Variants in MACROD2 observed in about 807,000 individuals in gnomAD.
MACROD2 encodes ADP-ribose glycohydrolase MACROD2.
In MACROD2, 36 loss-of-function variants were observed where a neutral mutation model predicts 70.4. The ratio of observed to expected loss-of-function variants is 0.51; its 90% CI spans 0.39 to 0.68. The LOEUF (loss-of-function observed/expected upper bound fraction) is 0.68. MACROD2 is among the 30% of genes least tolerant of loss of function. The pLI is 0.00. For synonymous variants in MACROD2, 172 were observed against 178.8 expected (o/e 0.96, Z 0.30); for missense variants, 496 against 538.4 (o/e 0.92, Z 0.78).
intron 3 of MACROD2, among the ~76,000 whole-genome samples, chr20:14,362,067 G>A (rs553855602): frequency 3.9e-5 from 6 of 152,178 alleles, no homozygotes; most frequent in Non-Finnish European, 7.4e-5. Flanking sequence ...CCAAGTGTCA[G>A]CTTCTGTAAT....
At chr20:14,441,754 C>T (rs1229113880) in intron 3 of MACROD2, among the ~76,000 whole-genome samples, 3 of 152,060 alleles carry the variant, frequency 2.0e-5, no homozygotes, top group Admixed American at 6.6e-5. Flanking sequence ...TACTATGTGC[C>T]TCATAAAGAC....
At chr20:15,801,757 A>C (rs1451917141) in intron 8 of MACROD2, among the ~76,000 whole-genome samples, 1 of 152,110 alleles carries the variant, frequency 6.6e-6, no homozygotes, top group Non-Finnish European at 1.5e-5. Context: ...CATTTTGATA[A>C]GCATTGCATT....
intron 3 of MACROD2, among the ~76,000 whole-genome samples, chr20:14,130,105 T>G (rs1665372781): frequency 1.3e-5 from 2 of 152,176 alleles, no homozygotes. Flanking sequence ...CCATGGGGAC[T>G]CAGTTAAAGT....
rs754753132 is a variant in MACROD2, at chr20:15,827,105, A to G, written c.646-35640A>G. On this transcript the variant is annotated intron_variant, in intron 8 of 17. Coordinates refer to ENST00000684519, the MANE Select transcript of MACROD2 (RefSeq NM_001351661.2). ...TTAGAAACTGTTTTCAAAAACTGCC[A>G]TCTTCCTCACAGATATAACCTTCAT... Among the ~76,000 whole-genome samples the G allele has an allele frequency of 7.9e-4, 120 of 152,312 alleles. 1 individual carries two copies. The highest frequency in any genetic ancestry group is 1.5e-3 in the Non-Finnish European group (103 of 68,028).
At chr20:14,562,152 T>C (rs1979478532) in intron 4 of MACROD2, among the ~76,000 whole-genome samples, 1 of 151,872 alleles carries the variant, frequency 6.6e-6, no homozygotes, top group Non-Finnish European at 1.5e-5. Flanking sequence ...ACTTTTTTAA[T>C]GTCTTGGGAT....
chr20:15,192,200 C>T (rs149065909), intron 5 of MACROD2, among the ~76,000 whole-genome samples: 2 of 152,136 alleles, frequency 1.3e-5, no homozygotes, highest in East Asian at 1.9e-4. Context: ...CCTTCCTCTC[C>T]GCCTCTTCCT....
chr20:15,756,272 A>G (rs186447908), intron 8 of MACROD2, among the ~76,000 whole-genome samples: 1 of 152,334 alleles, frequency 6.6e-6, no homozygotes, highest in Admixed American at 6.5e-5. Flanking sequence ...TGCATTTCCT[A>G]CTACATAGCT....
chr20:14,201,281 T>A (rs968303723), intron 3 of MACROD2, among the ~76,000 whole-genome samples: 3 of 152,206 alleles, frequency 2.0e-5, no homozygotes, highest in African/African-American at 7.2e-5. Context: ...CCTTGGATAA[T>A]CTATAAACTA....
chr20:15,798,157 G>A (rs1309926143), intron 8 of MACROD2, among the ~76,000 whole-genome samples: 1 of 152,210 alleles, frequency 6.6e-6, no homozygotes, highest in Non-Finnish European at 1.5e-5. Context: ...TATTGTGGTA[G>A]TATAGCAAAT....
chr20:14,369,353 T>C (rs2083302364), intron 3 of MACROD2, among the ~76,000 whole-genome samples: 1 of 152,230 alleles, frequency 6.6e-6, no homozygotes, highest in Non-Finnish European at 1.5e-5. Flanking sequence ...GGTTGCCTAC[T>C]GGGGAAGCTA....
chr20:14,043,864 T>A (rs1180782178), intron 2 of MACROD2, among the ~76,000 whole-genome samples: 1 of 152,224 alleles, frequency 6.6e-6, no homozygotes, highest in Non-Finnish European at 1.5e-5. Flanking sequence ...GGCCAATGTA[T>A]AACAAGGACT....
chr20:14,224,125 T>G (rs35323073), intron 3 of MACROD2, among the ~76,000 whole-genome samples: 1 of 127,934 alleles, frequency 7.8e-6, no homozygotes, highest in South Asian at 2.6e-4. Context: ...ATCAATCACA[T>G]CTAAAAAACA....
chr20:14,070,323 T>TTG (rs57671586), intron 2 of MACROD2, among the ~76,000 whole-genome samples: 122 of 150,758 alleles, frequency 8.1e-4, no homozygotes, highest in African/African-American at 2.3e-3. Context: ...ATAGAGGGGT[T>TTG]TGTGTGTGTG....
chr20:15,127,612 C>T (rs1363035438), intron 5 of MACROD2, among the ~76,000 whole-genome samples: 3 of 152,048 alleles, frequency 2.0e-5, no homozygotes, highest in South Asian at 2.1e-4. Flanking sequence ...GGCTTCAGTT[C>T]TTCTCCTTAT....
intron 3 of MACROD2, among the ~76,000 whole-genome samples, chr20:14,163,748 T>C (rs1377729861): frequency 1.3e-5 from 2 of 151,418 alleles, no homozygotes; most frequent in Admixed American, 1.3e-4. Flanking sequence ...TTGAAGCTTT[T>C]GAATATATTT....
intron 2 of MACROD2, among the ~76,000 whole-genome samples, chr20:14,045,172 A>G (rs1333997100): frequency 6.6e-6 from 1 of 151,882 alleles, no homozygotes; most frequent in Non-Finnish European, 1.5e-5. Context: ...CTCCCTCCAC[A>G]CCTCCCTGCA....
intron 2 of MACROD2, among the ~76,000 whole-genome samples, chr20:14,014,969 T>A (rs904672447): frequency 6.9e-4 from 1 of 1,448 alleles, no homozygotes; most frequent in Non-Finnish European, 1.5e-3. Flanking sequence ...CCCAGCAAAT[T>A]TTTTTTTTTT....
chr20:14,839,948 C>G (rs1308861105), intron 5 of MACROD2, among the ~76,000 whole-genome samples: 1 of 152,072 alleles, frequency 6.6e-6, no homozygotes, highest in African/African-American at 2.4e-5. Flanking sequence ...AATGTCTCTT[C>G]CCTCTTCCTT....
chr20:14,237,977 C>T (rs1414351947), intron 3 of MACROD2, among the ~76,000 whole-genome samples: 2 of 151,944 alleles, frequency 1.3e-5, no homozygotes, highest in African/African-American at 4.8e-5. Context: ...CAAGTCTTTG[C>T]TATTGTGAAT....
Sources: allele counts gnomAD v4.1 joint callset (sites outside exome capture counted in the v4.1 genomes callset), GRCh38; gene constraint gnomAD v4.1.1; transcripts MANE v1.5; gene names NCBI Gene and HGNC (gene_info 2026-07-23, HGNC 2026-07-21).